NPNT: variants seen among roughly 807,000 people sequenced by gnomAD.
NPNT encodes the protein nephronectin, also known as preosteoblast EGF-like repeat protein with MAM domain.
In NPNT, 45 loss-of-function variants were observed where a neutral mutation model predicts 68.6. The observed-to-expected ratio is 0.66, with a 90% CI of 0.52 to 0.84. The LOEUF (loss-of-function observed/expected upper bound fraction) is 0.84, where lower values mean the gene tolerates loss of function less well. Ranked by LOEUF, NPNT falls within the 40% of genes least tolerant of loss-of-function variation. NPNT has a pLI of 0.00. For missense variants in NPNT, 672 were observed against 714.8 expected, an observed-to-expected ratio of 0.94 and a Z score of 0.68; for synonymous variants, 233 against 253.3, an observed-to-expected ratio of 0.92 and a Z score of 0.76.
At chr4:105,942,015 T>A (rs763866559) in intron 7 of NPNT, among the ~76,000 whole-genome samples, 10 of 152,028 alleles carry the variant, frequency 6.6e-5, no homozygotes, top group Non-Finnish European at 1.2e-4. Flanking sequence ...TGTTTTTATG[T>A]TGCAAATAAT....
intron 2 of NPNT, among the ~76,000 whole-genome samples, chr4:105,920,501 C>A (rs1469672188): frequency 6.7e-6 from 1 of 150,086 alleles, no homozygotes; most frequent in Non-Finnish European, 1.5e-5. Context: ...TCCCCTCTAG[C>A]ACAATGAAAA....
intron 2 of NPNT, among the ~76,000 whole-genome samples, chr4:105,926,550 A>T (rs1204390167): frequency 6.6e-6 from 1 of 152,170 alleles, no homozygotes; most frequent in Non-Finnish European, 1.5e-5. Flanking sequence ...AAATTTCCAC[A>T]GGGGTAAAAA....
chr4:105,895,951 C>G (rs1725797230), intron 1 of NPNT: 4 of 547,026 alleles, frequency 7.3e-6, no homozygotes, highest in Middle Eastern at 4.5e-4. Context: ...CCGCGGCCCC[C>G]CGAGGGCGAC....
intron 5 of NPNT, 107 bp downstream of exon 5, chr4:105,938,527 A>G: frequency 1.8e-6 from 2 of 1,102,962 alleles, no homozygotes; most frequent in Non-Finnish European, 1.3e-6. Context: ...TACATCAGAT[A>G]ATTAGCTATC....
chr4:105,961,513 G>A (rs965493949), intron 10 of NPNT, among the ~76,000 whole-genome samples: 2 of 152,154 alleles, frequency 1.3e-5, no homozygotes, highest in African/African-American at 4.8e-5. Context: ...AAATACTTGA[G>A]TTTTAGAATT....
chr4:105,942,489 A>G lies in NPNT; in HGVS notation c.946A>G (p.Thr316Ala), dbSNP rs369190906. Residue 316 changes from threonine to alanine, a missense_variant, in exon 8 of 12, where the codon ACA (threonine) becomes GCA (alanine). Thr to Ala is a moderately conservative substitution (Grantham distance 58). Transcript: ENST00000379987. ...CAACAGGCCTACTTCTAAGCCAACA[A>G]CAAGACCTACACCAAAGCCAACACC... ...ITNRPTSKPT[T>A]RPTPKPTPIP... 1 of 1,613,214 alleles carries G rather than the reference A, an allele frequency of 6.2e-7. No homozygotes were observed. Among genetic ancestry groups the G allele is most frequent in the Non-Finnish European group, 8.5e-7 (1 of 1,179,738 alleles).
chr4:105,898,308 CTCTGTCTCTCTCTCTCTCTG>C (rs1726065159), intron 2 of NPNT, among the ~76,000 whole-genome samples: 5 of 125,240 alleles, frequency 4.0e-5, no homozygotes, highest in Admixed American at 1.5e-4. Context: ...CTCTCTCTCT[CTCTGTCTCTCTCTCTCTCTG>C]TCTCTCTCTC....
chr4:105,958,606 C>A, intron 9 of NPNT, 49 bp downstream of exon 9: 1 of 1,062,720 alleles, frequency 9.4e-7, no homozygotes, highest in East Asian at 2.6e-5. Context: ...TATTGTTTCT[C>A]TCCATGAAAA....
intron 10 of NPNT, among the ~76,000 whole-genome samples, chr4:105,964,443 T>G (rs985777725): frequency 3.9e-5 from 6 of 152,240 alleles, no homozygotes; most frequent in African/African-American, 1.4e-4. Context: ...AAAGAGAATT[T>G]GTATTTTGAA....
At chr4:105,958,032 G>C (rs141925840) in intron 8 of NPNT, among the ~76,000 whole-genome samples, 8 of 152,206 alleles carry the variant, frequency 5.3e-5, no homozygotes, top group Admixed American at 5.2e-4. Flanking sequence ...GGGGTGGGGA[G>C]TACATGCTGT....
intron 9 of NPNT, 27 bp downstream of exon 9, chr4:105,958,584 A>G: frequency 8.0e-7 from 1 of 1,248,102 alleles, no homozygotes; most frequent in Non-Finnish European, 1.1e-6. Context: ...TAGTGCCATC[A>G]TAATGACATT....
At position 105,969,378 on chromosome 4, in the gene NPNT, G is replaced by A. The variant is rs1732413496; in HGVS notation, c.*388G>A. 1.2e-5 allele frequency: 2 copies of A among 173,020 alleles called. No homozygotes were observed. The highest frequency in any genetic ancestry group is 2.3e-5 in the African/African-American group (1 of 42,610). The allele number at this position is 173,020 out of a possible 1,614,324, so 10.7% of individuals were successfully genotyped here. Reference sequence around the variant, plus strand: ...AGAAATCTTTGCAGATGGCTATGATGTTATGTGTTCGGTGTTGTACCATGA... The same window carrying A: ...AGAAATCTTTGCAGATGGCTATGATATTATGTGTTCGGTGTTGTACCATGA... On this transcript the variant is annotated 3_prime_UTR_variant, in exon 12 of 12. Transcript: ENST00000379987.
rs928179995 is a variant in NPNT at position 105,942,620 on chromosome 4, A to G, written c.1077A>G (p.Pro359=). 4.3e-6 allele frequency: 7 copies of G among 1,613,964 alleles called. No homozygotes were observed. The highest frequency in any genetic ancestry group is 5.1e-6 in the Non-Finnish European group (6 of 1,180,020). ...RPTTGLTTIA[P]AASTPPGGIT... The stretch of plus-strand genomic sequence containing the variant: ...CCACCGGACTGACAACTATAGCACC[A>G]GCTGCCAGTACACCTCCAGGAGGGA... The change falls in exon 8 of 12, where the codon CCA becomes CCG. Residue 359 remains proline (P), a synonymous_variant. Transcript: ENST00000379987.
At chr4:105,938,541 C>T (rs559987107) in intron 5 of NPNT, 121 bp downstream of exon 5, 114 of 937,540 alleles carry the variant, frequency 1.2e-4, no homozygotes, top group Middle Eastern at 9.9e-4. Flanking sequence ...AGCTATCGTT[C>T]AGAAGATATC....
intron 2 of NPNT, among the ~76,000 whole-genome samples, chr4:105,924,493 C>A (rs918112913): frequency 1.3e-5 from 2 of 152,122 alleles, no homozygotes; most frequent in South Asian, 2.1e-4. Flanking sequence ...CTAAGGGTTC[C>A]TGGTTACTTC....
intron 2 of NPNT, chr4:105,912,274 A>G (rs1418747214): frequency 2.1e-6 from 3 of 1,440,686 alleles, no homozygotes; most frequent in Middle Eastern, 3.5e-4. Flanking sequence ...AATTTTGGCT[A>G]ATCTATGTCT....
chr4:105,898,380 C>CTCTCTCTCTCTT lies in NPNT; in HGVS notation c.172+379_172+380insTCTCTCTCTCTT, dbSNP rs58673636. On this transcript the variant is annotated intron_variant, in intron 2 of 11. Coordinates refer to ENST00000379987, the MANE Select transcript of NPNT (RefSeq NM_001033047.3). Reference sequence around the variant, plus strand: ...TCTCTCTCTCTCTCTCTCTCTCTCTCGCTGACTCGCTTGCTCCAGGCTGGG... The same window carrying CTCTCTCTCTCTT: ...TCTCTCTCTCTCTCTCTCTCTCTCTCTCTCTCTCTCTTGCTGACTCGCTTGCTCCAGGCTGGG... Among the ~76,000 whole-genome samples, 139 of 112,502 alleles carry CTCTCTCTCTCTT rather than the reference C, an allele frequency of 1.2e-3. 6 individuals are homozygous for CTCTCTCTCTCTT. Among genetic ancestry groups the CTCTCTCTCTCTT allele is most frequent in the African/African-American group, 5.3e-3 (123 of 23,036 alleles). 73.8% of individuals were successfully genotyped at this position (112,502 alleles called of 152,430 possible).
Position 105,927,505 on chromosome 4 carries a change from A to G in NPNT, c.265+77A>G, listed in dbSNP as rs1728782686. On this transcript the variant is annotated intron_variant, in intron 3 of 11. Coordinates refer to ENST00000379987, the MANE Select transcript of NPNT (RefSeq NM_001033047.3). ...CCAAATTAAAAATATTCTTATCTCA[A>G]ACTACTTTCCATGGCTATTTTTCCA... The G allele has an allele frequency of 3.7e-6, 3 of 816,828 alleles. No homozygotes were observed. In the African/African-American group the frequency reaches 5.2e-5, roughly 14 times the overall value. 50.6% of individuals were successfully genotyped at this position (816,828 alleles called of 1,614,324 possible).
intron 10 of NPNT, among the ~76,000 whole-genome samples, chr4:105,961,435 C>T (rs771871609): frequency 8.5e-5 from 13 of 152,182 alleles, no homozygotes; most frequent in Non-Finnish European, 1.6e-4. Context: ...AAGTAAGTTA[C>T]ACTGGGGAGA....
Sources: gnomAD v4.1 joint callset for allele counts (sites outside exome capture counted in the v4.1 genomes callset) on GRCh38, gnomAD v4.1.1 for gene constraint, MANE v1.5 for transcripts, NCBI Gene and HGNC (gene_info 2026-07-23, HGNC 2026-07-21) for gene names.